Variants in CRHR1 observed in about 807,000 individuals in gnomAD.
CRHR1 encodes corticotropin releasing hormone receptor 1, also known as corticotropin-releasing hormone receptor 1.
In CRHR1, 28 loss-of-function variants were observed where a neutral mutation model predicts 56.0. The ratio of observed to expected loss-of-function variants is 0.50; its 90% CI spans 0.37 to 0.69. The LOEUF is 0.69. Among genes scored for constraint, CRHR1 ranks in the 30% least tolerant of loss-of-function variants. The pLI is 0.00. For missense variants in CRHR1, 376 were observed against 548.0 expected (o/e 0.69, Z 3.13); for synonymous variants, 195 against 216.5 (o/e 0.90, Z 0.87).
chr17:45,825,317 C>T (rs752501336), intron 4 of CRHR1, among the ~76,000 whole-genome samples: 35 of 152,170 alleles, frequency 2.3e-4, no homozygotes, highest in Non-Finnish European at 4.3e-4. Flanking sequence ...GGGGATGGCA[C>T]TGAGCCCCCA....
intron 3 of CRHR1, among the ~76,000 whole-genome samples, chr17:45,819,675 G>C (rs957839988): frequency 5.3e-4 from 80 of 152,166 alleles, no homozygotes; most frequent in Non-Finnish European, 7.8e-4. Flanking sequence ...AGAATCAGCA[G>C]CCTCTTCACC....
At chr17:45,833,015 G>A in intron 8 of CRHR1, 123 bp from the exon 9 acceptor site, 1 of 817,278 alleles carries the variant, frequency 1.2e-6, no homozygotes, top group Non-Finnish European at 2.1e-6. Context: ...GCCAGGGTTG[G>A]AATTGGGACA....
At chr17:45,799,542 G>A (rs1459120805) in intron 1 of CRHR1, 1 of 152,264 alleles carries the variant, frequency 6.6e-6, no homozygotes, top group East Asian at 1.9e-4. Flanking sequence ...AGAGTCAGAA[G>A]GGTCGGATAT....
intron 5 of CRHR1, among the ~76,000 whole-genome samples, chr17:45,829,892 G>T (rs2062255854): frequency 6.6e-6 from 1 of 152,110 alleles, no homozygotes. Context: ...TGGGGCTTAT[G>T]TCTGGGTGGG....
chr17:45,788,026 A>G (rs2061364950), intron 1 of CRHR1, among the ~76,000 whole-genome samples: 1 of 152,240 alleles, frequency 6.6e-6, no homozygotes, highest in African/African-American at 2.4e-5. Flanking sequence ...AGAGCCAGTG[A>G]GGACGAGCTC....
rs1346375269 is a variant in CRHR1, at chr17:45,831,413, G to T, written c.770+473G>T. The stretch of plus-strand genomic sequence containing the variant: ...AAGACATCTTAATAAAAGAGTCCAT[G>T]AATTTAATAGAAGTGGACCTAGATG... On this transcript the variant is annotated intron_variant, in intron 8 of 12. Coordinates refer to ENST00000314537, the MANE Select transcript of CRHR1 (RefSeq NM_004382.5). Among the ~76,000 whole-genome samples the T allele has an allele frequency of 2.6e-5, 4 of 152,216 alleles. No homozygotes were observed. In the East Asian group the frequency reaches 5.8e-4, roughly 22 times the overall value.
chr17:45,821,252 G>A, intron 3 of CRHR1, 103 bp from the exon 4 acceptor site: 3 of 1,022,354 alleles, frequency 2.9e-6, no homozygotes, highest in Non-Finnish European at 3.1e-6. Flanking sequence ...GCAGGTGCCT[G>A]TACTGGCCAT....
At chr17:45,833,923 G>T in intron 11 of CRHR1, 74 bp downstream of exon 11, 1 of 1,612,860 alleles carries the variant, frequency 6.2e-7, no homozygotes, top group Non-Finnish European at 8.5e-7. Flanking sequence ...GAGGGCAGGA[G>T]GCCAGGGAGA....
chr17:45,784,535 G>A lies in CRHR1; in HGVS notation c.-10G>A. 6.5e-7 allele frequency: 1 copy of A among 1,549,254 alleles called. No homozygotes were observed. The highest frequency in any genetic ancestry group is 8.7e-7 in the Non-Finnish European group (1 of 1,147,660). ...CGGGCATTCAGGACGGTAGCCGAGCGAGCCCGAGGATGGGAGGGCACCCGC... is the reference window on the plus strand; with the variant it reads ...CGGGCATTCAGGACGGTAGCCGAGCAAGCCCGAGGATGGGAGGGCACCCGC... On this transcript the variant is annotated 5_prime_UTR_variant, in exon 1 of 13. Transcript: ENST00000314537. This position sits in a 1 kb window ranked among gnomAD's most constrained non-coding sequence, Gnocchi z 4.2.
At chr17:45,799,609 A>C (rs1160762119) in intron 1 of CRHR1, 1 of 152,386 alleles carries the variant, frequency 6.6e-6, no homozygotes, top group African/African-American at 2.4e-5. Context: ...GCAGATGGAA[A>C]GTGTGGGCTG....
chr17:45,787,343 G>A (rs1464747041), intron 1 of CRHR1, among the ~76,000 whole-genome samples: 1 of 152,202 alleles, frequency 6.6e-6, no homozygotes, highest in Non-Finnish European at 1.5e-5. Context: ...CTCCTCGTAG[G>A]GAGATGGAGT....
chr17:45,813,266 A>T (rs1568049863), intron 2 of CRHR1, among the ~76,000 whole-genome samples: 2 of 150,132 alleles, frequency 1.3e-5, no homozygotes, highest in African/African-American at 4.9e-5. Flanking sequence ...TTCTAACTCC[A>T]CTCCGCGGCT....
intron 10 of CRHR1, 21 bp from the exon 11 acceptor site, chr17:45,833,693 T>TGGGGGGGGGGGGG: frequency 6.3e-5 from 99 of 1,571,438 alleles, no homozygotes; most frequent in South Asian, 8.9e-5. Context: ...ACTCCGAGCC[T>TGGGGGGGGGGGGG]CCCCACCCGC....
Position 45,830,194 on chromosome 17 carries a change from G to A in CRHR1, c.535G>A (p.Glu179Lys), listed in dbSNP as rs2062265678. The change falls in exon 6 of 13, where the codon GAG (glutamate) becomes AAG (lysine). Residue 179 changes from glutamate (E) to lysine (K), a missense_variant. Physicochemically the swap from Glu to Lys is moderately conservative, Grantham distance 56. Coordinates refer to ENST00000314537, the MANE Select transcript of CRHR1 (RefSeq NM_004382.5). ...WFVVQLTMSPEVHQSNVGWCR... is the reference protein window; with the variant it reads ...WFVVQLTMSPKVHQSNVGWCR... ...CGTGGTCCAGCTAACCATGAGCCCC[G>A]AGGTCCACCAGAGCAACGTGGTACG... 5 of 1,614,096 alleles carry A rather than the reference G, an allele frequency of 3.1e-6. No individual in the cohort carries two copies. Among genetic ancestry groups the A allele is most frequent in the Non-Finnish European group, 2.5e-6 (3 of 1,180,016 alleles).
chr17:45,829,678 T>C, intron 5 of CRHR1: 1 of 1,542,784 alleles, frequency 6.5e-7, no homozygotes. Context: ...CCGCCAAGGA[T>C]GCAGGTGGCA....
At chr17:45,809,504 G>A (rs1235112179) in intron 2 of CRHR1, among the ~76,000 whole-genome samples, 3 of 152,248 alleles carry the variant, frequency 2.0e-5, no homozygotes, top group Non-Finnish European at 4.4e-5. Flanking sequence ...ATGATGAATA[G>A]TGTTCATTCC....
Position 45,807,046 on chromosome 17 carries a change from TC to T in CRHR1, c.73del (p.Leu25SerfsTer39), listed in dbSNP as rs757069588. On this transcript the variant is annotated frameshift_variant, in exon 2 of 13. Transcript: ENST00000314537. LOFTEE classifies it high-confidence loss of function. ...LLLGLNPVSA[S>X]LQDQHCESLS... is the part of the protein sequence containing the mutation. ...TCTGGGGCTGAACCCCGTCTCTGCC[TC>T]CCTCCAGGACCAGCACTGCGAGAGC... The T allele has an allele frequency of 6.2e-7, 1 of 1,613,976 alleles. No individual in the cohort carries two copies. Among genetic ancestry groups the T allele is most frequent in the South Asian group, 1.1e-5 (1 of 91,064 alleles).
chr17:45,784,572 G>C lies in CRHR1; in HGVS notation c.28G>C (p.Val10Leu). Residue 10 changes from valine to leucine, a missense_variant, in exon 1 of 13, where the codon GTC (valine) becomes CTC (leucine). By Grantham distance (32) the Val-to-Leu change is conservative. Transcript: ENST00000314537. This position sits in a 1 kb window ranked among gnomAD's most constrained non-coding sequence, Gnocchi z 4.2. MGGHPQLRL[V>L]KALLLLGLNP... ...GGGAGGGCACCCGCAGCTCCGTCTC[G>C]TCAAGGTAACAGCCCGCCGGCCATC... The C allele has an allele frequency of 6.4e-7, 1 of 1,552,810 alleles. No individual in the cohort carries two copies. Among genetic ancestry groups the C allele is most frequent in the Non-Finnish European group, 8.7e-7 (1 of 1,149,490 alleles).
chr17:45,803,775 T>TGTGTGTGTGTGTGTGC (rs71138510), intron 1 of CRHR1, among the ~76,000 whole-genome samples: 2 of 150,336 alleles, frequency 1.3e-5, no homozygotes, highest in East Asian at 1.9e-4. Flanking sequence ...TGTGTGTGTG[T>TGTGTGTGTGTGTGTGC]GCGTGCGCGT....
Sources: gnomAD v4.1 joint callset for allele counts (sites outside exome capture counted in the v4.1 genomes callset) on GRCh38, gnomAD v4.1.1 for gene constraint, Gnocchi (gnomAD v3.1) non-coding constraint, MANE v1.5 for transcripts, NCBI Gene and HGNC (gene_info 2026-07-23, HGNC 2026-07-21) for gene names.